The following EEFSEC variants were observed in gnomAD, a reference collection of about 807,000 sequenced individuals.
The protein encoded by EEFSEC is eukaryotic elongation factor, selenocysteine-tRNA specific, also known as selenocysteine-specific elongation factor.
In EEFSEC, 43 loss-of-function variants were observed where a neutral mutation model predicts 42.1. The ratio of observed to expected loss-of-function variants is 1.02; its 90% CI spans 0.80 to 1.32. The LOEUF (loss-of-function observed/expected upper bound fraction) is 1.32, where lower values mean the gene tolerates loss of function less well. EEFSEC is among the 40% of genes most tolerant of loss of function. The pLI, the probability that EEFSEC is intolerant of heterozygous loss-of-function variation, is 0.00. For synonymous variants in EEFSEC, 354 were observed against 339.1 expected, an observed-to-expected ratio of 1.04 and a Z score of -0.48; for missense variants, 745 against 803.6, an observed-to-expected ratio of 0.93 and a Z score of 0.88.
chr3:128,365,805 T>C (rs1018271721), intron 6 of EEFSEC, among the ~76,000 whole-genome samples: 1 of 152,256 alleles, frequency 6.6e-6, no homozygotes, highest in Non-Finnish European at 1.5e-5. Flanking sequence ...TTATTGACCC[T>C]GGAAAGCACT....
intron 6 of EEFSEC, among the ~76,000 whole-genome samples, chr3:128,404,154 GA>G (rs201528734): frequency 6.6e-6 from 1 of 151,790 alleles, no homozygotes; most frequent in Non-Finnish European, 1.5e-5. Context: ...GCTAAGAAAG[GA>G]AAAAAAAGGC....
intron 6 of EEFSEC, among the ~76,000 whole-genome samples, chr3:128,400,434 A>G (rs1044757399): frequency 5.9e-5 from 9 of 152,206 alleles, no homozygotes; most frequent in Non-Finnish European, 1.2e-4. Flanking sequence ...TGGCCATCCC[A>G]TATATCAGCC....
In EEFSEC at chr3:128,365,344, G is replaced by A. The variant is rs530628365; in HGVS notation, c.1600+6971G>A. On this transcript the variant is annotated intron_variant, in intron 6 of 6. Coordinates refer to ENST00000254730, the MANE Select transcript of EEFSEC (RefSeq NM_021937.5). ...AGACGAGGCCAAGGTTGCAGGGGCC[G>A]CTGGGCTAGTTACCTGGAGGGTCTC... 2.6e-5 allele frequency among the ~76,000 whole-genome samples: 4 copies of A among 152,324 alleles called. No individual in the cohort carries two copies. In the South Asian group the frequency reaches 6.2e-4, roughly 24 times the overall value.
chr3:128,371,685 T>C (rs552370088), intron 6 of EEFSEC, among the ~76,000 whole-genome samples: 5 of 152,164 alleles, frequency 3.3e-5, no homozygotes, highest in Admixed American at 1.3e-4. Context: ...CCTGTTGGGG[T>C]GCAGAATGAG....
At chr3:128,334,742 C>T (rs2067171440) in intron 4 of EEFSEC, among the ~76,000 whole-genome samples, 1 of 152,254 alleles carries the variant, frequency 6.6e-6, no homozygotes, top group South Asian at 2.1e-4. Flanking sequence ...CTCCCTCCTT[C>T]CCCAGAAGTG....
At chr3:128,362,857 C>T (rs1576672759) in intron 6 of EEFSEC, among the ~76,000 whole-genome samples, 1 of 152,234 alleles carries the variant, frequency 6.6e-6, no homozygotes, top group African/African-American at 2.4e-5. Context: ...ATATCTCAGG[C>T]ACTTGGTCTT....
intron 4 of EEFSEC, among the ~76,000 whole-genome samples, chr3:128,288,912 G>A (rs1053738109): frequency 2.0e-5 from 3 of 152,176 alleles, no homozygotes; most frequent in African/African-American, 4.8e-5. Context: ...GTCCGTTGGT[G>A]CCTGGAGGTA....
Position 128,402,835 on chromosome 3 carries a change from A to G in EEFSEC, c.1601-5234A>G, listed in dbSNP as rs747318307. On this transcript the variant is annotated intron_variant, in intron 6 of 6. Transcript: ENST00000254730. ...CTCAGCCCCAGCAGGGTCTCCTCCA[A>G]CGCTTATTTGGAGAGTGTTCTCTGA... Among the ~76,000 whole-genome samples the G allele has an allele frequency of 1.1e-4, 16 of 152,220 alleles. No individual in the cohort carries two copies. In the South Asian group the frequency reaches 1.5e-3, roughly 14 times the overall value.
At chr3:128,328,765 A>C (rs1450715853) in intron 4 of EEFSEC, among the ~76,000 whole-genome samples, 1 of 152,204 alleles carries the variant, frequency 6.6e-6, no homozygotes, top group Non-Finnish European at 1.5e-5. Flanking sequence ...GAGGCCCCAC[A>C]GCACCGTGCC....
chr3:128,353,727 G>A (rs150486322), intron 5 of EEFSEC, among the ~76,000 whole-genome samples: 52 of 152,336 alleles, frequency 3.4e-4, no homozygotes, highest in African/African-American at 1.1e-3. Flanking sequence ...AGCAGGAAAA[G>A]CACCAGCCTC....
rs144714249 is a variant in EEFSEC, at chr3:128,168,161, G to A, written c.316+14338G>A. On this transcript the variant is annotated intron_variant, in intron 1 of 6. Transcript: ENST00000254730. ...CCAGAGCTTGGGGATGGGGAAATGA[G>A]CGTAATGCAAGCCTGTGGCTGATGC... 2.2e-4 allele frequency among the ~76,000 whole-genome samples: 34 copies of A among 152,326 alleles called. No individual in the cohort carries two copies. The East Asian group carries it at 4.1e-3, about 18-fold the overall frequency.
At chr3:128,407,690 G>A (rs1478497052) in intron 6 of EEFSEC, among the ~76,000 whole-genome samples, 1 of 152,204 alleles carries the variant, frequency 6.6e-6, no homozygotes, top group African/African-American at 2.4e-5. Context: ...CACACAAGAG[G>A]GTGGAGAAGT....
intron 1 of EEFSEC, among the ~76,000 whole-genome samples, chr3:128,170,071 G>T (rs193166118): frequency 1.3e-5 from 2 of 152,250 alleles, no homozygotes; most frequent in Admixed American, 6.5e-5. Flanking sequence ...CAGATGTTGG[G>T]ATAATTTTTG....
intron 6 of EEFSEC, among the ~76,000 whole-genome samples, chr3:128,391,547 T>G (rs1702131): frequency 1.3e-5 from 2 of 152,122 alleles, no homozygotes; most frequent in Non-Finnish European, 2.9e-5. Flanking sequence ...AGTCCAGGCA[T>G]GGCAGGAGTG....
chr3:128,380,454 CT>C (rs936110736), intron 6 of EEFSEC, among the ~76,000 whole-genome samples: 2 of 152,196 alleles, frequency 1.3e-5, no homozygotes, highest in Non-Finnish European at 2.9e-5. Flanking sequence ...CACCCTTCCC[CT>C]ATCTTGTTTG....
intron 2 of EEFSEC, among the ~76,000 whole-genome samples, chr3:128,258,831 C>T (rs914744430): frequency 1.3e-5 from 2 of 152,150 alleles, no homozygotes; most frequent in African/African-American, 2.4e-5. Context: ...TATATGTTCC[C>T]TGATCCTTGA....
chr3:128,301,846 G>A (rs1444012423), intron 4 of EEFSEC, among the ~76,000 whole-genome samples: 1 of 152,092 alleles, frequency 6.6e-6, no homozygotes, highest in Admixed American at 6.5e-5. Context: ...CTGGGAGAAA[G>A]AACTCCCATG....
intron 6 of EEFSEC, among the ~76,000 whole-genome samples, chr3:128,382,206 C>A (rs1447467020): frequency 6.6e-6 from 1 of 152,222 alleles, no homozygotes; most frequent in Non-Finnish European, 1.5e-5. Flanking sequence ...AAACCCAAGG[C>A]CTCAAATCAG....
chr3:128,374,019 A>G (rs936135468), intron 6 of EEFSEC, among the ~76,000 whole-genome samples: 1 of 152,160 alleles, frequency 6.6e-6, no homozygotes, highest in Non-Finnish European at 1.5e-5. Context: ...TTCACTGGCC[A>G]TTAGACCTGG....
Sources: allele counts gnomAD v4.1 joint callset (sites outside exome capture counted in the v4.1 genomes callset), GRCh38; gene constraint gnomAD v4.1.1; transcripts MANE v1.5; gene names NCBI Gene and HGNC (gene_info 2026-07-23, HGNC 2026-07-21).